Variants in HSPBP1 observed in about 807,000 individuals in gnomAD.
The protein encoded by HSPBP1 is hsp70-binding protein 1.
A neutral mutation model predicts 41.7 loss-of-function variants in HSPBP1; 31 were observed. The ratio of observed to expected loss-of-function variants is 0.74; its 90% CI spans 0.56 to 1.00. The LOEUF (loss-of-function observed/expected upper bound fraction) is 1.00, where lower values mean the gene tolerates loss of function less well. HSPBP1 is among the 50% of genes least tolerant of loss of function. HSPBP1 has a pLI of 0.00. For missense variants in HSPBP1, 439 were observed against 487.9 expected, an observed-to-expected ratio of 0.90 and a Z score of 0.94; for synonymous variants, 199 against 214.4, an observed-to-expected ratio of 0.93 and a Z score of 0.63.
At chr19:55,279,356 C>T in intron 2 of HSPBP1, 43 bp downstream of exon 2, 1 of 1,535,002 alleles carries the variant, frequency 6.5e-7, no homozygotes, top group Non-Finnish European at 8.8e-7. Flanking sequence ...CTCTATCTGT[C>T]CCCAGGCCCC....
At chr19:55,267,495 C>G (rs2087819079) in intron 4 of HSPBP1, among the ~76,000 whole-genome samples, 1 of 148,722 alleles carries the variant, frequency 6.7e-6, no homozygotes, top group Admixed American at 6.8e-5. Flanking sequence ...GAGTCTTGCT[C>G]TATCATCCAG....
chr19:55,262,524 C>A lies in HSPBP1; in HGVS notation c.*84G>T. The A allele has an allele frequency of 6.4e-7, 1 of 1,574,068 alleles. No individual in the cohort carries two copies. Among genetic ancestry groups the A allele is most frequent in the South Asian group, 1.2e-5 (1 of 85,790 alleles). On this transcript the variant is annotated 3_prime_UTR_variant, in exon 8 of 8. Transcript: ENST00000433386. ...GGTCCAGGCACCTAGGCCCTGCGAT[C>A]CCTTGGGAGAGGGCCTTGTAGGTGG...
chr19:55,279,065 C>T (rs537054544), intron 2 of HSPBP1, among the ~76,000 whole-genome samples: 1 of 151,994 alleles, frequency 6.6e-6, no homozygotes, highest in Non-Finnish European at 1.5e-5. Flanking sequence ...CTACCCTATA[C>T]GGTAGTTATT....
intron 3 of HSPBP1, 131 bp downstream of exon 3, chr19:55,277,511 A>T: frequency 1.1e-6 from 1 of 903,358 alleles, no homozygotes; most frequent in Non-Finnish European, 1.7e-6. Context: ...ATGGCAATGG[A>T]GGCGAACAGG....
Position 55,265,265 on chromosome 19 carries a change from C to T in HSPBP1, c.1005+13G>A, listed in dbSNP as rs762392647. On this transcript the variant is annotated intron_variant, in intron 7 of 7. Coordinates refer to ENST00000433386, the MANE Select transcript of HSPBP1 (RefSeq NM_012267.5). Reference sequence around the variant, plus strand: ...ACCTGGTCCTCCTTGCACCCCGTCCCCTCCCCATGTACCTGGTACTCCTCA... The same window carrying T: ...ACCTGGTCCTCCTTGCACCCCGTCCTCTCCCCATGTACCTGGTACTCCTCA... The T allele has an allele frequency of 2.5e-6, 4 of 1,594,194 alleles. No homozygotes were observed. The highest frequency in any genetic ancestry group is 3.4e-6 in the Non-Finnish European group (4 of 1,164,138).
rs2122840106 is a variant in HSPBP1 at position 55,270,249 on chromosome 19, C to T, written c.641-3963G>A. On this transcript the variant is annotated intron_variant, in intron 4 of 7. Transcript: ENST00000433386. This position sits in a 1 kb window ranked among gnomAD's most constrained non-coding sequence, Gnocchi z 5.4. Reference sequence around the variant, plus strand: ...GCACAACTTTCGCTGGGGAAGCCGACCACCACGTGGTGAGGCCGCTCACGC... The same window carrying T: ...GCACAACTTTCGCTGGGGAAGCCGATCACCACGTGGTGAGGCCGCTCACGC... Among the ~76,000 whole-genome samples, 1 of 152,372 alleles carries T rather than the reference C, an allele frequency of 6.6e-6. No individual in the cohort carries two copies. Among genetic ancestry groups the T allele is most frequent in the East Asian group, 1.9e-4 (1 of 5,178 alleles).
chr19:55,278,759 C>T (rs181133404), intron 2 of HSPBP1, among the ~76,000 whole-genome samples: 34 of 152,188 alleles, frequency 2.2e-4, no homozygotes, highest in African/African-American at 7.7e-4. Flanking sequence ...ACTAAAAATA[C>T]GAAAATTAGC....
intron 4 of HSPBP1, among the ~76,000 whole-genome samples, chr19:55,266,713 T>C (rs1568961123): frequency 1.3e-5 from 2 of 152,146 alleles, no homozygotes; most frequent in African/African-American, 4.8e-5. Flanking sequence ...ATGCAAGCAT[T>C]ATCTTTTTTT....
At position 55,263,194 on chromosome 19, in the gene HSPBP1, G is replaced by A. The variant is rs114419564; in HGVS notation, c.1006-512C>T. On this transcript the variant is annotated intron_variant, in intron 7 of 7. Transcript: ENST00000433386. ...ACCATCACCCAATAAATAGATAAGT[G>A]GGCAAAGGATGAGAACGAACAGTTC... 6.4e-3 allele frequency among the ~76,000 whole-genome samples: 977 copies of A among 152,256 alleles called. 5 individuals are homozygous for A. The highest frequency in any genetic ancestry group is 0.022 in the African/African-American group (926 of 41,546).
Position 55,265,815 on chromosome 19 carries a change from C to T in HSPBP1, c.893+71G>A. 5.8e-6 allele frequency: 6 copies of T among 1,033,766 alleles called. 1 individual carries two copies. In the South Asian group the frequency reaches 7.6e-5, roughly 13 times the overall value. 64.0% of individuals were successfully genotyped at this position (1,033,766 alleles called of 1,614,324 possible). A position where few individuals can be genotyped will look rare whatever the true frequency, so the allele number is the denominator to read the frequency against. On this transcript the variant is annotated intron_variant, in intron 6 of 7. Coordinates refer to ENST00000433386, the MANE Select transcript of HSPBP1 (RefSeq NM_012267.5). Reference sequence around the variant, plus strand: ...ACTCCTGAGTCCCTACGGGCTGATTCCTGAGCCACCCCCACCTTGAGAGGA... The same window carrying T: ...ACTCCTGAGTCCCTACGGGCTGATTTCTGAGCCACCCCCACCTTGAGAGGA...
Position 55,275,999 on chromosome 19 carries a change from C to T in HSPBP1, c.416-1377G>A, listed in dbSNP as rs1010317979. On this transcript the variant is annotated intron_variant, in intron 3 of 7. Transcript: ENST00000433386. ...AGGCCTGATGACATGCACCTGTAAT[C>T]CCAGCTGTTTGGGAGGCTAAGGTAT... Among the ~76,000 whole-genome samples the T allele has an allele frequency of 1.3e-5, 2 of 150,328 alleles. 1 individual carries two copies. Among genetic ancestry groups the T allele is most frequent in the East Asian group, 3.9e-4 (2 of 5,182 alleles).
At chr19:55,276,159 G>A (rs957841049) in intron 3 of HSPBP1, among the ~76,000 whole-genome samples, 18 of 151,192 alleles carry the variant, frequency 1.2e-4, no homozygotes, top group Non-Finnish European at 2.2e-4. Context: ...CACAACATGG[G>A]CACGCCGCCT....
Position 55,262,418 on chromosome 19 carries a change from A to G in HSPBP1, c.*190T>C, listed in dbSNP as rs1756511324. ...AGAGAACGGGGATGAGAGTGAGAGC[A>G]TGGGAGGTGGGGTCCAAGGAGCTGG... is the stretch of plus-strand genomic sequence containing the variant. On this transcript the variant is annotated 3_prime_UTR_variant, in exon 8 of 8. Transcript: ENST00000433386. 3 of 1,412,160 alleles carry G rather than the reference A, an allele frequency of 2.1e-6. No homozygotes were observed. Among genetic ancestry groups the G allele is most frequent in the African/African-American group, 1.4e-5 (1 of 69,210 alleles). 87.5% of individuals were successfully genotyped at this position (1,412,160 alleles called of 1,614,324 possible).
chr19:55,274,478 C>T lies in HSPBP1; in HGVS notation c.560G>A (p.Gly187Asp). 1 of 1,590,100 alleles carries T rather than the reference C, an allele frequency of 6.3e-7. No individual in the cohort carries two copies. The highest frequency in any genetic ancestry group is 8.5e-7 in the Non-Finnish European group (1 of 1,171,260). Residue 187 changes from glycine (G) to aspartate (D), a missense_variant, in exon 4 of 8, where the codon GGT (glycine) becomes GAT (aspartate). Physicochemically the swap from Gly to Asp is moderately conservative, Grantham distance 94. Transcript: ENST00000433386. ...CAGCCGCAGCAGCTTACGCAGGGCA[C>T]CCAGGCCCAGCACCTGCTCCTGGAT... is the stretch of plus-strand genomic sequence containing the variant. ...AAIQEQVLGL[G>D]ALRKLLRLLD...
intron 4 of HSPBP1, among the ~76,000 whole-genome samples, chr19:55,269,638 G>A (rs1291882502): frequency 6.6e-6 from 1 of 152,192 alleles, no homozygotes. Flanking sequence ...AAAGGCTGCA[G>A]ATTGCATGGT....
At chr19:55,266,904 C>T (rs550457268) in intron 4 of HSPBP1, among the ~76,000 whole-genome samples, 3 of 152,294 alleles carry the variant, frequency 2.0e-5, no homozygotes, top group African/African-American at 7.2e-5. Context: ...GATATACTTT[C>T]TTCCTTTATG....
At position 55,268,275 on chromosome 19, in the gene HSPBP1, A is replaced by G. The variant is rs1432299880; in HGVS notation, c.641-1989T>C. On this transcript the variant is annotated intron_variant, in intron 4 of 7. Transcript: ENST00000433386. This position sits in a 1 kb window ranked among gnomAD's most constrained non-coding sequence, Gnocchi z 4.5. Reference sequence around the variant, plus strand: ...GTGAAACCCCGTCTCTACTAAAAATACAAAATTAGCTGGGCGTGGTGGCGT... The same window carrying G: ...GTGAAACCCCGTCTCTACTAAAAATGCAAAATTAGCTGGGCGTGGTGGCGT... Among the ~76,000 whole-genome samples the G allele has an allele frequency of 1.3e-5, 2 of 152,128 alleles. No homozygotes were observed. Among genetic ancestry groups the G allele is most frequent in the Non-Finnish European group, 2.9e-5 (2 of 68,022 alleles).
chr19:55,277,689 G>A lies in HSPBP1; in HGVS notation c.368C>T (p.Ala123Val). The change falls in exon 3 of 8, where the codon GCC becomes GTC. Residue 123 changes from alanine (A) to valine (V), a missense_variant. Coordinates refer to ENST00000433386, the MANE Select transcript of HSPBP1 (RefSeq NM_012267.5). ...ACACAGGTCGGCCAGCAGCTCCAGG[G>A]CCCCCTCTCGCTCTTGCTGGTCGGC... ...QAADQQEREG[A>V]LELLADLCEN... 1 of 1,605,516 alleles carries A rather than the reference G, an allele frequency of 6.2e-7. No individual in the cohort carries two copies. Among genetic ancestry groups the A allele is most frequent in the Non-Finnish European group, 8.5e-7 (1 of 1,177,036 alleles).
In HSPBP1 at chr19:55,268,247, A is replaced by G. The variant is rs967740602; in HGVS notation, c.641-1961T>C. ...GGAGTTCGAGACCAGCCTGACCAAC[A>G]TGGTGAAACCCCGTCTCTACTAAAA... On this transcript the variant is annotated intron_variant, in intron 4 of 7. Transcript: ENST00000433386. The surrounding 1 kb of genome is among the most constrained non-coding windows in gnomAD (Gnocchi z 4.5). Among the ~76,000 whole-genome samples the G allele has an allele frequency of 2.6e-5, 4 of 152,142 alleles. No individual in the cohort carries two copies. Among genetic ancestry groups the G allele is most frequent in the African/African-American group, 7.2e-5 (3 of 41,420 alleles).
Sources: gnomAD v4.1 joint callset for allele counts (sites outside exome capture counted in the v4.1 genomes callset) on GRCh38, gnomAD v4.1.1 for gene constraint, Gnocchi (gnomAD v3.1) non-coding constraint, MANE v1.5 for transcripts, NCBI Gene and HGNC (gene_info 2026-07-23, HGNC 2026-07-21) for gene names.